Variants in OTUD7A observed in about 807,000 individuals in gnomAD.
The protein encoded by OTUD7A is OTU deubiquitinase 7A.
Under a neutral mutation model 65.7 loss-of-function variants are expected in OTUD7A, and 12 were observed. The observed-to-expected ratio is 0.18, with a 90% CI of 0.12 to 0.30. The LOEUF (loss-of-function observed/expected upper bound fraction) is 0.30. Ranked by LOEUF, OTUD7A falls within the 10% of genes least tolerant of loss-of-function variation. The pLI is 1.00. For synonymous variants in OTUD7A, 641 were observed against 586.3 expected (o/e 1.09, Z -1.35); for missense variants, 1,148 against 1,304.8 (o/e 0.88, Z 1.85).
rs534478478 is a variant in OTUD7A at position 31,605,245 on chromosome 15, G to T, written c.152-35048C>A. Among the ~76,000 whole-genome samples the T allele has an allele frequency of 2.3e-4, 35 of 152,248 alleles. No homozygotes were observed. The South Asian group carries it at 6.6e-3, about 29-fold the overall frequency. ...TGTGGCATGTGTGTGGCAGGTGTGT[G>T]TTGGGTTATGTGTGCACAGCCTGAG... is the stretch of plus-strand genomic sequence containing the variant. On this transcript the variant is annotated intron_variant, in intron 3 of 12. Transcript: ENST00000307050.
intron 3 of OTUD7A, among the ~76,000 whole-genome samples, chr15:31,619,248 G>C (rs1890695801): frequency 6.6e-6 from 1 of 152,146 alleles, no homozygotes; most frequent in Admixed American, 6.5e-5. Context: ...GGATTGACTT[G>C]GCAATGCGGG....
rs151096676 is a variant in OTUD7A at position 31,769,834 on chromosome 15, G to A, written c.-100+100673C>T. The stretch of plus-strand genomic sequence containing the variant: ...AGTAAAGGAAGGGCTCACTACAAAC[G>A]GGCAGCTTGGGGGAGTTTTGCCAGG... On this transcript the variant is annotated intron_variant, in intron 1 of 12. Coordinates refer to ENST00000307050, the MANE Select transcript of OTUD7A (RefSeq NM_001382637.1). 5.1e-3 allele frequency among the ~76,000 whole-genome samples: 775 copies of A among 152,282 alleles called. 7 individuals are homozygous for A. The highest frequency in any genetic ancestry group is 0.017 in the African/African-American group (686 of 41,570).
chr15:31,540,219 A>T (rs1489018524), intron 5 of OTUD7A, among the ~76,000 whole-genome samples: 1 of 152,222 alleles, frequency 6.6e-6, no homozygotes, highest in Non-Finnish European at 1.5e-5. Flanking sequence ...AGCAAGCAGC[A>T]TTGAAAAATC....
intron 1 of OTUD7A, among the ~76,000 whole-genome samples, chr15:31,869,431 C>G (rs888745056): frequency 6.6e-6 from 1 of 152,170 alleles, no homozygotes; most frequent in African/African-American, 2.4e-5. Flanking sequence ...ATTTAGGCCC[C>G]GCTGTCAACC....
intron 1 of OTUD7A, among the ~76,000 whole-genome samples, chr15:31,861,656 T>C (rs181168838): frequency 6.6e-6 from 1 of 152,024 alleles, no homozygotes; most frequent in Admixed American, 6.5e-5. Context: ...CTCAACAAGG[T>C]AGAGACAGAA....
chr15:31,525,259 C>T (rs1239129273), intron 8 of OTUD7A, among the ~76,000 whole-genome samples: 1 of 152,210 alleles, frequency 6.6e-6, no homozygotes, highest in African/African-American at 2.4e-5. Flanking sequence ...TTTCCACAGT[C>T]GACTGAGTCT....
rs985251499 is a variant in OTUD7A, at chr15:31,484,868, CTG to C, written c.1372-146_1372-145del. On this transcript the variant is annotated intron_variant, in intron 12 of 12. Coordinates refer to ENST00000307050, the MANE Select transcript of OTUD7A (RefSeq NM_001382637.1). The surrounding 1 kb of genome is among the most constrained non-coding windows in gnomAD (Gnocchi z 4.5). ...CCAGTCCCCACTGTCGCTCTGGTGA[CTG>C]TGACATCCGGATGGGCGGTGCTGAA... 1.4e-6 allele frequency: 2 copies of C among 1,415,400 alleles called. No individual in the cohort carries two copies. The highest frequency in any genetic ancestry group is 1.9e-6 in the Non-Finnish European group (2 of 1,074,640). The allele number at this position is 1,415,400 out of a possible 1,614,324, so 87.7% of individuals were successfully genotyped here. A position where few individuals can be genotyped will look rare whatever the true frequency, so the allele number is the denominator to read the frequency against.
chr15:31,640,742 T>C (rs1322057307), intron 3 of OTUD7A, among the ~76,000 whole-genome samples: 1 of 152,190 alleles, frequency 6.6e-6, no homozygotes, highest in Non-Finnish European at 1.5e-5. Flanking sequence ...TTAAGGTATA[T>C]GATATGATGT....
At chr15:31,770,243 T>C (rs571758455) in intron 1 of OTUD7A, among the ~76,000 whole-genome samples, 2 of 152,220 alleles carry the variant, frequency 1.3e-5, no homozygotes, top group Non-Finnish European at 2.9e-5. Context: ...GACACTGCTA[T>C]CAAAACTACA....
intron 8 of OTUD7A, among the ~76,000 whole-genome samples, chr15:31,509,121 T>A (rs1033032044): frequency 2.0e-5 from 3 of 152,176 alleles, no homozygotes; most frequent in Admixed American, 2.0e-4. Context: ...ATAGACTTTT[T>A]AAAACTTTTT....
chr15:31,561,240 C>T (rs113181594), intron 4 of OTUD7A, among the ~76,000 whole-genome samples: 5,065 of 145,280 alleles, frequency 0.035, 268 homozygotes, highest in African/African-American at 0.14. Context: ...TGGTGGGGGA[C>T]GGCCCATTGC....
chr15:31,784,379 G>A (rs1595766341), intron 1 of OTUD7A, among the ~76,000 whole-genome samples: 2 of 152,168 alleles, frequency 1.3e-5, no homozygotes, highest in African/African-American at 4.8e-5. Flanking sequence ...TACATGGATT[G>A]TGGAGCAGAT....
intron 1 of OTUD7A, among the ~76,000 whole-genome samples, chr15:31,687,150 T>C (rs114178805): frequency 0.011 from 1,648 of 149,950 alleles, 34 homozygotes; most frequent in African/African-American, 0.037. Context: ...AAAAGCCCAA[T>C]TGGTTACTGA....
intron 1 of OTUD7A, among the ~76,000 whole-genome samples, chr15:31,813,545 T>C (rs1896474530): frequency 1.3e-5 from 2 of 152,240 alleles, no homozygotes; most frequent in East Asian, 1.9e-4. Flanking sequence ...GGACATTCTT[T>C]GGTCAAATAA....
chr15:31,593,168 G>A (rs769079546), intron 3 of OTUD7A, among the ~76,000 whole-genome samples: 11 of 151,740 alleles, frequency 7.2e-5, no homozygotes, highest in African/African-American at 1.7e-4. Context: ...AATGTCATTC[G>A]GTGATAGGAA....
chr15:31,604,375 A>G (rs1272608556), intron 3 of OTUD7A, among the ~76,000 whole-genome samples: 1 of 152,152 alleles, frequency 6.6e-6, no homozygotes, highest in East Asian at 1.9e-4. Flanking sequence ...TTTCTCACTC[A>G]TAAGTGGGAG....
intron 12 of OTUD7A, among the ~76,000 whole-genome samples, chr15:31,486,631 T>A (rs1242209726): frequency 6.6e-6 from 1 of 152,114 alleles, no homozygotes; most frequent in Non-Finnish European, 1.5e-5. Context: ...GCAGGCAGCC[T>A]CATGGGGCGT....
intron 1 of OTUD7A, among the ~76,000 whole-genome samples, chr15:31,800,814 A>G (rs1896102022): frequency 6.6e-6 from 1 of 152,010 alleles, no homozygotes; most frequent in South Asian, 2.1e-4. Flanking sequence ...TCATAGGTGG[A>G]TGGCTGTGTG....
intron 1 of OTUD7A, among the ~76,000 whole-genome samples, chr15:31,762,850 C>A (rs193054442): frequency 6.6e-6 from 1 of 152,278 alleles, no homozygotes; most frequent in East Asian, 1.9e-4. Flanking sequence ...TTACTTGGTA[C>A]ACAAATGACC....
Sources: gnomAD v4.1 joint callset for allele counts (sites outside exome capture counted in the v4.1 genomes callset) on GRCh38, gnomAD v4.1.1 for gene constraint, Gnocchi (gnomAD v3.1) non-coding constraint, MANE v1.5 for transcripts, NCBI Gene and HGNC (gene_info 2026-07-23, HGNC 2026-07-21) for gene names.